The following SLMAP variants were observed in gnomAD, a reference collection of about 807,000 sequenced individuals.
SLMAP encodes the protein sarcolemmal membrane-associated protein.
A neutral mutation model predicts 128.8 loss-of-function variants in SLMAP; 44 were observed. The observed-to-expected ratio is 0.34, with a 90% CI of 0.27 to 0.44. The LOEUF (loss-of-function observed/expected upper bound fraction) is 0.44. SLMAP is among the 20% of genes least tolerant of loss of function. The pLI is 1.00. For missense variants in SLMAP, 787 were observed against 985.3 expected (o/e 0.80, Z 2.69); for synonymous variants, 327 against 348.8 (o/e 0.94, Z 0.70).
At chr3:57,832,167 C>T (rs891015459) in intron 3 of SLMAP, among the ~76,000 whole-genome samples, 2 of 152,192 alleles carry the variant, frequency 1.3e-5, no homozygotes, top group Non-Finnish European at 2.9e-5. Context: ...ACATAGTTAC[C>T]TGCAGCTACA....
intron 13 of SLMAP, among the ~76,000 whole-genome samples, chr3:57,870,921 A>G (rs2095467024): frequency 6.6e-6 from 1 of 152,258 alleles, no homozygotes; most frequent in Non-Finnish European, 1.5e-5. Flanking sequence ...AGATTATTGT[A>G]AGAAAAGAAC....
At chr3:57,811,169 T>A (rs2090904124) in intron 2 of SLMAP, among the ~76,000 whole-genome samples, 1 of 152,216 alleles carries the variant, frequency 6.6e-6, no homozygotes, top group Non-Finnish European at 1.5e-5. Context: ...CTGTAACCAT[T>A]ATCACCATTC....
At chr3:57,915,584 A>G (rs1349764958) in intron 21 of SLMAP, among the ~76,000 whole-genome samples, 1 of 152,166 alleles carries the variant, frequency 6.6e-6, no homozygotes, top group Admixed American at 6.5e-5. Context: ...GAAGTGTACA[A>G]TCAAAATGGG....
intron 16 of SLMAP, 80 bp downstream of exon 16, chr3:57,896,671 C>G: frequency 8.5e-7 from 1 of 1,178,616 alleles, no homozygotes; most frequent in South Asian, 1.5e-5. Context: ...GTGGAGATTT[C>G]AAAGTATGTG....
chr3:57,898,639 G>A (rs767024294), intron 17 of SLMAP: 4 of 152,096 alleles, frequency 2.6e-5, no homozygotes, highest in Non-Finnish European at 5.9e-5. Flanking sequence ...TTTTAGATTT[G>A]ATTTTTATCC....
chr3:57,910,635 G>A (rs906668698), intron 19 of SLMAP, among the ~76,000 whole-genome samples: 4 of 152,140 alleles, frequency 2.6e-5, no homozygotes, highest in East Asian at 1.9e-4. Context: ...CCTGCCTGTC[G>A]AATGTTTACT....
chr3:57,771,125 T>A (rs1219937506), intron 2 of SLMAP, among the ~76,000 whole-genome samples: 2 of 151,292 alleles, frequency 1.3e-5, no homozygotes, highest in Non-Finnish European at 3.0e-5. Context: ...TGTATGCTGC[T>A]CCTGCTCCTC....
chr3:57,829,989 A>C (rs1197751779), intron 2 of SLMAP, among the ~76,000 whole-genome samples: 1 of 152,190 alleles, frequency 6.6e-6, no homozygotes, highest in Non-Finnish European at 1.5e-5. Context: ...ATATACCTGC[A>C]TCTCACTTTT....
chr3:57,762,710 GTTTTTTTT>G (rs752054975), intron 2 of SLMAP, among the ~76,000 whole-genome samples: 1 of 107,756 alleles, frequency 9.3e-6, no homozygotes, highest in African/African-American at 3.7e-5. Flanking sequence ...TAGTAGAATG[GTTTTTTTT>G]TTTTTTTTTT....
At chr3:57,886,630 C>A (rs1575741284) in intron 14 of SLMAP, among the ~76,000 whole-genome samples, 1 of 141,924 alleles carries the variant, frequency 7.0e-6, no homozygotes. Flanking sequence ...AGGTTTAATC[C>A]TAGAGATCTA....
At chr3:57,763,469 T>C (rs752617727) in intron 2 of SLMAP, among the ~76,000 whole-genome samples, 11 of 152,024 alleles carry the variant, frequency 7.2e-5, no homozygotes, top group Non-Finnish European at 1.3e-4. Context: ...GAAACGGGGT[T>C]TCACCATGTT....
At chr3:57,883,395 ATTAAAAAATG>A (rs1200307888) in intron 14 of SLMAP, among the ~76,000 whole-genome samples, 1 of 152,156 alleles carries the variant, frequency 6.6e-6, no homozygotes, top group Non-Finnish European at 1.5e-5. Context: ...AGTTAAAGCC[ATTAAAAAATG>A]TTGTTGTTGT....
chr3:57,913,514 G>A (rs576664657), intron 21 of SLMAP, among the ~76,000 whole-genome samples: 2 of 151,842 alleles, frequency 1.3e-5, no homozygotes, highest in African/African-American at 4.8e-5. Context: ...TTCATTAAAT[G>A]TCCCAAAGAA....
chr3:57,920,252 G>A (rs1559569924), intron 22 of SLMAP, among the ~76,000 whole-genome samples: 1 of 152,194 alleles, frequency 6.6e-6, no homozygotes, highest in Non-Finnish European at 1.5e-5. Context: ...ACTGAAAAAA[G>A]CTATCATAAA....
chr3:57,911,340 G>C (rs1025021411), intron 19 of SLMAP, among the ~76,000 whole-genome samples: 1 of 152,044 alleles, frequency 6.6e-6, no homozygotes, highest in East Asian at 1.9e-4. Context: ...TACTTATGTA[G>C]CAACCTCCCT....
At chr3:57,811,085 A>C (rs2090881080) in intron 2 of SLMAP, among the ~76,000 whole-genome samples, 1 of 152,206 alleles carries the variant, frequency 6.6e-6, no homozygotes, top group African/African-American at 2.4e-5. Flanking sequence ...TGATAAAATA[A>C]ATGTAACATA....
Position 57,927,647 on chromosome 3 carries a change from C to CTGAATAT in SLMAP, c.*360_*366dup. Reference sequence around the variant, plus strand: ...ATTTTTAAATTAGTATGTTAAGATTCTGAATATTATGGTGGCCTAAAGTAG... The same window carrying CTGAATAT: ...ATTTTTAAATTAGTATGTTAAGATTCTGAATATTGAATATTATGGTGGCCTAAAGTAG... On this transcript the variant is annotated 3_prime_UTR_variant, in exon 25 of 25. Coordinates refer to ENST00000671191, the MANE Select transcript of SLMAP (RefSeq NM_001377540.1). 1 of 202,024 alleles carries CTGAATAT rather than the reference C, an allele frequency of 4.9e-6. No individual in the cohort carries two copies. Among genetic ancestry groups the CTGAATAT allele is most frequent in the Non-Finnish European group, 9.9e-6 (1 of 101,084 alleles). 12.5% of individuals were successfully genotyped at this position (202,024 alleles called of 1,614,324 possible).
chr3:57,833,761 T>G (rs2093476579), intron 3 of SLMAP, among the ~76,000 whole-genome samples: 2 of 151,996 alleles, frequency 1.3e-5, no homozygotes, highest in Non-Finnish European at 2.9e-5. Context: ...TTGATTTATC[T>G]TTTATGCTAA....
chr3:57,832,560 A>G (rs2093403333), intron 3 of SLMAP, among the ~76,000 whole-genome samples: 1 of 152,200 alleles, frequency 6.6e-6, no homozygotes. Flanking sequence ...CCACTTCATT[A>G]GTTTAATATG....
Sources: gnomAD v4.1 joint callset for allele counts (sites outside exome capture counted in the v4.1 genomes callset) on GRCh38, gnomAD v4.1.1 for gene constraint, MANE v1.5 for transcripts, NCBI Gene and HGNC (gene_info 2026-07-23, HGNC 2026-07-21) for gene names.